The following SNRPN variants were observed in gnomAD, a reference collection of about 807,000 sequenced individuals.
SNRPN encodes small nuclear ribonucleoprotein polypeptide N, also known as small nuclear ribonucleoprotein-associated protein N.
In SNRPN, 7 loss-of-function variants were observed where a neutral mutation model predicts 25.2. The ratio of observed to expected loss-of-function variants is 0.28; its 90% CI spans 0.16 to 0.52. SNRPN has a LOEUF of 0.52. Among genes scored for constraint, SNRPN ranks in the 20% least tolerant of loss-of-function variants. The pLI, the probability that SNRPN is intolerant of heterozygous loss-of-function variation, is 0.96. For synonymous variants in SNRPN, 124 were observed against 110.6 expected, an observed-to-expected ratio of 1.12 and a Z score of -0.76; for missense variants, 196 against 322.5, an observed-to-expected ratio of 0.61 and a Z score of 3.00.
Position 24,955,077 on chromosome 15 carries a change from T to C in SNRPN, c.-391+15T>C, listed in dbSNP as rs190964505. 1.2e-6 allele frequency: 2 copies of C among 1,613,592 alleles called. No individual in the cohort carries two copies. Among genetic ancestry groups the C allele is most frequent in the East Asian group, 4.5e-5 (2 of 44,880 alleles). On this transcript the variant is annotated intron_variant, in intron 1 of 9. Transcript: ENST00000390687. The stretch of plus-strand genomic sequence containing the variant: ...GAGCGGGCAAGGTCAGCTGTGCCGG[T>C]GGCTTCTCTCAAGAGACAGCCTGGG...
intron 2 of SNRPN, among the ~76,000 whole-genome samples, chr15:24,894,191 C>T (rs867124871): frequency 6.6e-6 from 1 of 152,070 alleles, no homozygotes; most frequent in Admixed American, 6.6e-5. Context: ...TTGTACGCCC[C>T]ATCAAGTGGA....
intron 1 of SNRPN, among the ~76,000 whole-genome samples, chr15:24,961,635 C>G (rs537634755): frequency 4.6e-5 from 7 of 151,712 alleles, no homozygotes; most frequent in Admixed American, 2.6e-4. Flanking sequence ...AAGAAAGCAC[C>G]ATTTGCATGT....
intron 2 of SNRPN, among the ~76,000 whole-genome samples, chr15:24,889,701 T>C (rs1034833772): frequency 3.3e-5 from 5 of 152,056 alleles, no homozygotes; most frequent in African/African-American, 1.2e-4. Context: ...CCATACTGAA[T>C]GTGCATCCCT....
chr15:24,908,633 A>G (rs909705103), intron 2 of SNRPN, among the ~76,000 whole-genome samples: 4 of 152,094 alleles, frequency 2.6e-5, no homozygotes, highest in Non-Finnish European at 5.9e-5. Context: ...AAGGGAGTTT[A>G]TTTCTGCAGC....
chr15:24,841,784 G>A (rs772394078), intron 2 of SNRPN, among the ~76,000 whole-genome samples: 17 of 152,212 alleles, frequency 1.1e-4, no homozygotes, highest in South Asian at 4.2e-4. Context: ...GACATTGTAC[G>A]TGTTAGTTCC....
rs1261381181 is a variant in SNRPN, at chr15:24,844,977, T to C, written c.-579+15072T>C. On this transcript the variant is annotated intron_variant, in intron 2 of 12. Coordinates refer to the SNRPN transcript ENST00000400100. The stretch of plus-strand genomic sequence containing the variant: ...TATCTGTGGTATTTTGAATTAATTT[T>C]ATATCTAGTGCAAAAAAGGGTGAAG... Among the ~76,000 whole-genome samples, 5 of 152,342 alleles carry C rather than the reference T, an allele frequency of 3.3e-5. No individual in the cohort carries two copies. In the South Asian group the frequency reaches 8.3e-4, roughly 25 times the overall value.
intron 3 of SNRPN, among the ~76,000 whole-genome samples, chr15:24,942,721 C>T (rs951516987): frequency 6.6e-6 from 1 of 152,124 alleles, no homozygotes; most frequent in Admixed American, 6.5e-5. Flanking sequence ...CAACCTGCCA[C>T]CAGGTAGCTA....
Position 24,977,447 on chromosome 15 carries a change from C to T in SNRPN, c.421-331C>T, listed in dbSNP as rs114283940. On this transcript the variant is annotated intron_variant, in intron 7 of 9. Transcript: ENST00000390687. ...TGAGGTCAGGAGTTCGACACCAGCC[C>T]GGCCCACGTGGTGAAAACCCTATCT... 2.8e-3 allele frequency among the ~76,000 whole-genome samples: 423 copies of T among 152,098 alleles called. 1 individual carries two copies. Among genetic ancestry groups the T allele is most frequent in the African/African-American group, 9.7e-3 (402 of 41,500 alleles).
intron 1 of SNRPN, among the ~76,000 whole-genome samples, chr15:24,862,985 A>G (rs2054137487): frequency 6.6e-6 from 1 of 151,002 alleles, no homozygotes; most frequent in South Asian, 2.1e-4. Flanking sequence ...TCTGGAAGTG[A>G]TGCAGAGGCT....
chr15:24,871,615 G>C (rs1299079138), intron 1 of SNRPN, among the ~76,000 whole-genome samples: 1 of 151,858 alleles, frequency 6.6e-6, no homozygotes, highest in African/African-American at 2.4e-5. Context: ...CCCATTTTTA[G>C]TTGGTATTTG....
intron 1 of SNRPN, among the ~76,000 whole-genome samples, chr15:24,866,791 T>C (rs1186704780): frequency 6.6e-6 from 1 of 152,182 alleles, no homozygotes; most frequent in Non-Finnish European, 1.5e-5. Context: ...TTGAGGTATT[T>C]ATCTTTGTAT....
intron 2 of SNRPN, among the ~76,000 whole-genome samples, chr15:24,964,881 T>C (rs2075384919): frequency 6.6e-6 from 1 of 152,202 alleles, no homozygotes; most frequent in African/African-American, 2.4e-5. Context: ...TGGAAACATT[T>C]TGATGGTTTT....
At chr15:24,839,889 G>A (rs182179843) in intron 2 of SNRPN, among the ~76,000 whole-genome samples, 1 of 152,296 alleles carries the variant, frequency 6.6e-6, no homozygotes, top group Admixed American at 6.5e-5. Flanking sequence ...GAACTTGAAT[G>A]CACCACTTCC....
rs527303650 is a variant in SNRPN at position 24,873,220 on chromosome 15, A to G, written c.-578-13296A>G. ...TAGCACAACGACATCACTCTGCTGGACAGCAAGAGGGTGTGTTCAGGAACC... is the reference window on the plus strand; with the variant it reads ...TAGCACAACGACATCACTCTGCTGGGCAGCAAGAGGGTGTGTTCAGGAACC... On this transcript the variant is annotated intron_variant, in intron 1 of 11. Transcript: ENST00000400097. Among the ~76,000 whole-genome samples, 2 of 121,598 alleles carry G rather than the reference A, an allele frequency of 1.6e-5. 1 individual carries two copies. The highest frequency in any genetic ancestry group is 5.9e-4 in the South Asian group (2 of 3,394). 79.8% of individuals were successfully genotyped at this position (121,598 alleles called of 152,430 possible). A position where few individuals can be genotyped will look rare whatever the true frequency, so the allele number is the denominator to read the frequency against.
At chr15:24,918,524 G>GCA (rs1399439918) in intron 2 of SNRPN, among the ~76,000 whole-genome samples, 4 of 113,964 alleles carry the variant, frequency 3.5e-5, no homozygotes, top group East Asian at 4.8e-4. Flanking sequence ...ATATATATGT[G>GCA]TATATATAAC....
chr15:24,947,956 T>C (rs1374738361), intron 3 of SNRPN, among the ~76,000 whole-genome samples: 3 of 151,910 alleles, frequency 2.0e-5, no homozygotes, highest in Non-Finnish European at 4.4e-5. Flanking sequence ...TTTTATTTAT[T>C]ATTATTATAC....
intron 3 of SNRPN, among the ~76,000 whole-genome samples, chr15:24,921,443 C>T (rs146494328): frequency 2.0e-5 from 3 of 152,182 alleles, no homozygotes; most frequent in African/African-American, 7.2e-5. Flanking sequence ...TAAAGGAAGC[C>T]AAACTTATTT....
chr15:24,954,985 G>C, upstream of SNRPN: 9 of 1,607,852 alleles, frequency 5.6e-6, no homozygotes, highest in East Asian at 4.5e-5. Context: ...AGCGAGTCTG[G>C]CGCAGAGTGG....
chr15:24,978,082 T>A, intron 8 of SNRPN, 111 bp from the exon 9 acceptor site: 1 of 1,260,510 alleles, frequency 7.9e-7, no homozygotes, highest in Non-Finnish European at 1.1e-6. Context: ...ATAGAAGTTA[T>A]TTGACTCTAT....
Sources: gnomAD v4.1 joint callset for allele counts (sites outside exome capture counted in the v4.1 genomes callset) on GRCh38, gnomAD v4.1.1 for gene constraint, MANE v1.5 for transcripts, NCBI Gene and HGNC (gene_info 2026-07-23, HGNC 2026-07-21) for gene names.